Variants in KLHL8 observed in about 807,000 individuals in gnomAD.
KLHL8 encodes the protein kelch like family member 8, also known as kelch-like protein 8.
KLHL8 carries 38 observed loss-of-function variants against 63.5 expected under a neutral mutation model. That is an observed-to-expected ratio of 0.60 (90% CI 0.46 to 0.78). The LOEUF (loss-of-function observed/expected upper bound fraction) is 0.78. KLHL8 is among the 30% of genes least tolerant of loss of function. KLHL8 has a pLI of 0.00. For synonymous variants in KLHL8, 224 were observed against 254.3 expected (o/e 0.88, Z 1.13); for missense variants, 566 against 752.4 (o/e 0.75, Z 2.90).
In KLHL8 at chr4:87,161,527, A is replaced by G. The variant is rs1048539744; in HGVS notation, c.*1992T>C. On this transcript the variant is annotated 3_prime_UTR_variant, in exon 10 of 10. Transcript: ENST00000273963. Reference sequence around the variant, plus strand: ...TAACCCTTATAACTCCTTACATATAAGAAAGACAGAAATACATCAAAGAAA... The same window carrying G: ...TAACCCTTATAACTCCTTACATATAGGAAAGACAGAAATACATCAAAGAAA... 6.6e-6 allele frequency: 1 copy of G among 152,230 alleles called. No individual in the cohort carries two copies. Among genetic ancestry groups the G allele is most frequent in the Non-Finnish European group, 1.5e-5 (1 of 68,036 alleles). 9.4% of individuals were successfully genotyped at this position (152,230 alleles called of 1,614,324 possible).
chr4:87,233,445 G>A (rs770561829), intron 1 of KLHL8, among the ~76,000 whole-genome samples: 5 of 152,044 alleles, frequency 3.3e-5, no homozygotes, highest in African/African-American at 1.2e-4. Flanking sequence ...GTTGTGGCAC[G>A]CACCTTTATT....
intron 1 of KLHL8, among the ~76,000 whole-genome samples, chr4:87,227,312 CT>C (rs1486161585): frequency 6.6e-6 from 1 of 151,950 alleles, no homozygotes; most frequent in African/African-American, 2.4e-5. Context: ...GAAGCGATGG[CT>C]TGAGTTTTAG....
intron 9 of KLHL8, 108 bp downstream of exon 9, chr4:87,163,770 T>C: frequency 6.6e-7 from 1 of 1,515,122 alleles, no homozygotes; most frequent in Non-Finnish European, 9.1e-7. Flanking sequence ...GGAGATAAGA[T>C]ATCCCAAAGC....
At chr4:87,209,035 G>A (rs1732279126) in intron 1 of KLHL8, among the ~76,000 whole-genome samples, 1 of 152,050 alleles carries the variant, frequency 6.6e-6, no homozygotes, top group Admixed American at 6.5e-5. Flanking sequence ...TAATAGAACA[G>A]GAAGACAGAA....
intron 1 of KLHL8, among the ~76,000 whole-genome samples, chr4:87,218,013 GA>G (rs1184516403): frequency 6.6e-6 from 1 of 152,128 alleles, no homozygotes; most frequent in South Asian, 2.1e-4. Flanking sequence ...CAAACCCACA[GA>G]ATGTTTAACA....
At chr4:87,228,966 G>A (rs1733084236) in intron 1 of KLHL8, among the ~76,000 whole-genome samples, 1 of 152,232 alleles carries the variant, frequency 6.6e-6, no homozygotes, top group Admixed American at 6.5e-5. Context: ...CTCTGGCTAA[G>A]TGATTCCCCT....
intron 1 of KLHL8, among the ~76,000 whole-genome samples, chr4:87,228,985 TA>T (rs1733084591): frequency 6.6e-6 from 1 of 152,232 alleles, no homozygotes; most frequent in South Asian, 2.1e-4. Context: ...CTTGGGAGTT[TA>T]AAAGCCAACA....
In KLHL8 at chr4:87,162,044, G is replaced by A. The variant is rs1730195696; in HGVS notation, c.*1475C>T. Reference sequence around the variant, plus strand: ...AGTCCAGAATCCCATTTAATAAGATGCATGAGCTATTAGTCAATGAACTTT... The same window carrying A: ...AGTCCAGAATCCCATTTAATAAGATACATGAGCTATTAGTCAATGAACTTT... On this transcript the variant is annotated 3_prime_UTR_variant, in exon 10 of 10. Coordinates refer to ENST00000273963, the MANE Select transcript of KLHL8 (RefSeq NM_020803.5). 6.6e-6 allele frequency: 1 copy of A among 151,738 alleles called. No homozygotes were observed. Among genetic ancestry groups the A allele is most frequent in the Non-Finnish European group, 1.5e-5 (1 of 68,002 alleles). The allele number at this position is 151,738 out of a possible 1,614,324, so 9.4% of individuals were successfully genotyped here.
At chr4:87,164,991 A>G (rs1255111186) in intron 8 of KLHL8, among the ~76,000 whole-genome samples, 5 of 151,906 alleles carry the variant, frequency 3.3e-5, no homozygotes, top group Non-Finnish European at 7.4e-5. Flanking sequence ...TACTAAAAAT[A>G]CAAAAAAATT....
intron 1 of KLHL8, among the ~76,000 whole-genome samples, chr4:87,234,204 C>G (rs1439021350): frequency 6.6e-6 from 1 of 152,132 alleles, no homozygotes; most frequent in African/African-American, 2.4e-5. Flanking sequence ...CTTTGGGAGG[C>G]CAAGGTGGGC....
At chr4:87,212,159 T>C (rs1415652143) in intron 1 of KLHL8, among the ~76,000 whole-genome samples, 1 of 152,226 alleles carries the variant, frequency 6.6e-6, no homozygotes, top group Non-Finnish European at 1.5e-5. Context: ...ACTCTCACAC[T>C]GCTGTTCATA....
chr4:87,182,492 C>T (rs1731093876), intron 4 of KLHL8, among the ~76,000 whole-genome samples: 1 of 152,006 alleles, frequency 6.6e-6, no homozygotes, highest in Non-Finnish European at 1.5e-5. Flanking sequence ...GAGGAAGTCT[C>T]TATTTAGAGC....
chr4:87,201,126 G>C lies in KLHL8; in HGVS notation c.-151-5436C>G, dbSNP rs150240352. ...AAGTAAAATGGTGGTTGCCAAGAGA[G>C]GTGGAAAGAAGATGTTCAATGGGTA... On this transcript the variant is annotated intron_variant, in intron 1 of 9. Coordinates refer to ENST00000273963, the MANE Select transcript of KLHL8 (RefSeq NM_020803.5). Among the ~76,000 whole-genome samples the C allele has an allele frequency of 2.6e-3, 389 of 152,244 alleles. 3 individuals are homozygous for C. Among genetic ancestry groups the C allele is most frequent in the African/African-American group, 9.0e-3 (372 of 41,544 alleles).
upstream of KLHL8, chr4:87,220,796 G>C (rs987765383): frequency 1.3e-5 from 2 of 152,230 alleles, no homozygotes; most frequent in African/African-American, 4.8e-5. Flanking sequence ...GCGTGGCGGA[G>C]GTCCCCATAA....
At chr4:87,191,963 T>C (rs1386659554) in intron 2 of KLHL8, among the ~76,000 whole-genome samples, 1 of 152,196 alleles carries the variant, frequency 6.6e-6, no homozygotes, top group African/African-American at 2.4e-5. Flanking sequence ...TATGGTTGTG[T>C]AGTATTCCAC....
chr4:87,183,474 G>A, intron 3 of KLHL8, 85 bp from the exon 4 acceptor site: 1 of 1,075,456 alleles, frequency 9.3e-7, no homozygotes, highest in Non-Finnish European at 1.3e-6. Flanking sequence ...AAATAAAGGT[G>A]AAAACAAGAT....
rs562438720 is a variant in KLHL8, at chr4:87,208,079, C to T, written c.-152+12339G>A. 1.1e-5 allele frequency: 6 copies of T among 570,502 alleles called. No individual in the cohort carries two copies. In the East Asian group the frequency reaches 2.3e-4, roughly 22 times the overall value. 35.3% of individuals were successfully genotyped at this position (570,502 alleles called of 1,614,324 possible). Reference sequence around the variant, plus strand: ...GTCGTGGACCTCATGGCCCACATGGCCTCCAAAAGGAAGACCACCAGACCA... The same window carrying T: ...GTCGTGGACCTCATGGCCCACATGGTCTCCAAAAGGAAGACCACCAGACCA... On this transcript the variant is annotated intron_variant, in intron 1 of 9. Coordinates refer to ENST00000273963, the MANE Select transcript of KLHL8 (RefSeq NM_020803.5).
chr4:87,199,922 T>C (rs563890683), intron 1 of KLHL8, among the ~76,000 whole-genome samples: 12 of 151,698 alleles, frequency 7.9e-5, no homozygotes, highest in Non-Finnish European at 1.6e-4. Flanking sequence ...TACTCGAGGA[T>C]TGTTTGAGCC....
At chr4:87,166,524 C>T (rs1553943717) in intron 8 of KLHL8, among the ~76,000 whole-genome samples, 1 of 152,158 alleles carries the variant, frequency 6.6e-6, no homozygotes, top group Non-Finnish European at 1.5e-5. Flanking sequence ...CATGTATTAT[C>T]TCTTATTCTT....
Sources: gnomAD v4.1 joint callset for allele counts (sites outside exome capture counted in the v4.1 genomes callset) on GRCh38, gnomAD v4.1.1 for gene constraint, MANE v1.5 for transcripts, NCBI Gene and HGNC (gene_info 2026-07-23, HGNC 2026-07-21) for gene names.